The following ZNF684 variants were observed in gnomAD, a reference collection of about 807,000 sequenced individuals.
The protein encoded by ZNF684 is hypothetical protein MGC27466.
Under a neutral mutation model 12.8 loss-of-function variants are expected in ZNF684, and 13 were observed. The ratio of observed to expected loss-of-function variants is 1.02; its 90% CI spans 0.66 to 1.62. The LOEUF is 1.62. Among genes scored for constraint, ZNF684 ranks in the 40% most tolerant of loss-of-function variants. The pLI, the probability that ZNF684 is intolerant of heterozygous loss-of-function variation, is 0.00. For synonymous variants in ZNF684, 118 were observed against 151.8 expected (o/e 0.78, Z 1.64); for missense variants, 384 against 446.9 (o/e 0.86, Z 1.27).
intron 2 of ZNF684, among the ~76,000 whole-genome samples, chr1:40,535,178 G>A (rs1398998686): frequency 6.6e-6 from 1 of 151,916 alleles, no homozygotes; most frequent in Non-Finnish European, 1.5e-5. Flanking sequence ...CATTGCAATG[G>A]CCAGGACTTC....
intron 2 of ZNF684, 28 bp from the exon 3 acceptor site, chr1:40,540,558 T>C (rs760104492): frequency 1.2e-5 from 19 of 1,565,164 alleles, no homozygotes; most frequent in Admixed American, 1.9e-5. Context: ...ATACACACTT[T>C]AGTTTGAAGA....
At chr1:40,545,494 T>G (rs1646041538) in intron 4 of ZNF684, among the ~76,000 whole-genome samples, 1 of 152,176 alleles carries the variant, frequency 6.6e-6, no homozygotes, top group Non-Finnish European at 1.5e-5. Context: ...ATATAGAAAC[T>G]CAGCCAGAAT....
chr1:40,536,993 T>C lies in ZNF684; in HGVS notation c.16-3593T>C, dbSNP rs546136313. Among the ~76,000 whole-genome samples the C allele has an allele frequency of 6.1e-3, 924 of 152,270 alleles. 3 individuals are homozygous for C. The highest frequency in any genetic ancestry group is 0.011 in the Non-Finnish European group (759 of 68,028). The stretch of plus-strand genomic sequence containing the variant: ...AAACATACGTGTGCATGTGTCTTTA[T>C]AGCAGCATGATTTTTATTCCTTTGG... On this transcript the variant is annotated intron_variant, in intron 2 of 4. Transcript: ENST00000372699.
At position 40,541,687 on chromosome 1, in the gene ZNF684, C is replaced by T. The variant is rs2124510507; in HGVS notation, c.215C>T (p.Ala72Val). 7 of 1,612,700 alleles carry T rather than the reference C, an allele frequency of 4.3e-6. No homozygotes were observed. Among genetic ancestry groups the T allele is most frequent in the Non-Finnish European group, 4.2e-6 (5 of 1,179,180 alleles). ...CAAGAGCCATGGATGGTGGAGGGAGCGAATCCACACGAGAGCTCTCCAGGT... is the reference window on the plus strand; with the variant it reads ...CAAGAGCCATGGATGGTGGAGGGAGTGAATCCACACGAGAGCTCTCCAGGT... Reference protein sequence around the residue: ...QGQEPWMVEGANPHESSPESD... With the variant: ...QGQEPWMVEGVNPHESSPESD... The change falls in exon 4 of 5, where the codon GCG (alanine) becomes GTG (valine). Residue 72 changes from alanine (A) to valine (V), a missense_variant. Coordinates refer to ENST00000372699, the MANE Select transcript of ZNF684 (RefSeq NM_152373.4).
intron 2 of ZNF684, among the ~76,000 whole-genome samples, chr1:40,538,650 G>A (rs1645998167): frequency 6.6e-6 from 1 of 151,930 alleles, no homozygotes; most frequent in African/African-American, 2.4e-5. Flanking sequence ...TTGAGGTCAG[G>A]AGTTTGAGAG....
chr1:40,541,842 C>A, intron 4 of ZNF684, 132 bp downstream of exon 4: 1 of 671,574 alleles, frequency 1.5e-6, no homozygotes, highest in Non-Finnish European at 2.5e-6. Flanking sequence ...CATCATCAGC[C>A]AGCTCCCCAA....
rs145698095 is a variant in ZNF684, at chr1:40,541,343, C to T, written c.143-272C>T. The T allele has an allele frequency of 8.6e-3, 2,061 of 239,922 alleles. 50 individuals carry two copies. The highest frequency in any genetic ancestry group is 0.044 in the African/African-American group (1,983 of 44,994). 14.9% of individuals were successfully genotyped at this position (239,922 alleles called of 1,614,324 possible). On this transcript the variant is annotated intron_variant, in intron 3 of 4. Transcript: ENST00000372699. ...AGACTACAGGTGCCTGCTACCACGCCCGGCTAATTTTTTGTATTTTTAGCA... is the reference window on the plus strand; with the variant it reads ...AGACTACAGGTGCCTGCTACCACGCTCGGCTAATTTTTTGTATTTTTAGCA...
intron 2 of ZNF684, among the ~76,000 whole-genome samples, chr1:40,535,115 G>A (rs1422455725): frequency 6.6e-6 from 1 of 152,190 alleles, no homozygotes. Context: ...TCCAAATGGA[G>A]TTTTATCTCT....
In ZNF684 at chr1:40,546,729, T is replaced by C. The variant is rs1298237865; in HGVS notation, c.406T>C (p.Phe136Leu). Reference sequence around the variant, plus strand: ...AATGAGAAAAAAATCATATAAATCGTTTGAGAAGTGTTTGCCACCTAATTT... The same window carrying C: ...AATGAGAAAAAAATCATATAAATCGCTTGAGAAGTGTTTGCCACCTAATTT... ...NPMRKKSYKS[F>L]EKCLPPNLDL... The change falls in exon 5 of 5, where the codon TTT becomes CTT. Residue 136 changes from phenylalanine (F) to leucine (L), a missense_variant. Coordinates refer to ENST00000372699, the MANE Select transcript of ZNF684 (RefSeq NM_152373.4). The C allele has an allele frequency of 1.2e-6, 2 of 1,613,918 alleles. No homozygotes were observed. Among genetic ancestry groups the C allele is most frequent in the East Asian group, 4.5e-5 (2 of 44,868 alleles).
At chr1:40,539,395 G>A (rs1242824266) in intron 2 of ZNF684, among the ~76,000 whole-genome samples, 2 of 152,146 alleles carry the variant, frequency 1.3e-5, no homozygotes, top group Non-Finnish European at 2.9e-5. Flanking sequence ...CTACTTGAGA[G>A]GCTGAGGTAG....
Position 40,547,080 on chromosome 1 carries a change from A to C in ZNF684, c.757A>C (p.Thr253Pro), listed in dbSNP as rs780198218. ...GTGCAGTCAATGTGGGAAAACATTC[A>C]CTTGGAACTCCTCATTTAATCAACA... The part of the protein sequence containing the change: ...YECSQCGKTF[T>P]WNSSFNQHVK... Residue 253 changes from threonine (T) to proline (P), a missense_variant, in exon 5 of 5, where the codon ACT becomes CCT. By Grantham distance (38) the Thr-to-Pro change is conservative. Coordinates refer to ENST00000372699, the MANE Select transcript of ZNF684 (RefSeq NM_152373.4). 10 of 1,614,058 alleles carry C rather than the reference A, an allele frequency of 6.2e-6. No homozygotes were observed. In the East Asian group the frequency reaches 2.0e-4, roughly 32 times the overall value.
chr1:40,544,848 G>C (rs1646035233), intron 4 of ZNF684: 1 of 152,548 alleles, frequency 6.6e-6, no homozygotes, highest in African/African-American at 2.4e-5. Flanking sequence ...TCATGGAACA[G>C]TGGTTCCTCC....
intron 2 of ZNF684, among the ~76,000 whole-genome samples, chr1:40,536,620 G>A (rs1430280622): frequency 4.9e-5 from 7 of 141,642 alleles, no homozygotes; most frequent in African/African-American, 7.9e-5. Flanking sequence ...CCACTAACTC[G>A]TCATCTAGCA....
At chr1:40,539,591 C>T (rs1401248422) in intron 2 of ZNF684, among the ~76,000 whole-genome samples, 1 of 152,148 alleles carries the variant, frequency 6.6e-6, no homozygotes, top group Non-Finnish European at 1.5e-5. Flanking sequence ...ACAAGAGTTT[C>T]GGTTTCTCCA....
Position 40,547,286 on chromosome 1 carries a change from T to C in ZNF684, c.963T>C (p.His321=), listed in dbSNP as rs1646054487. The change falls in exon 5 of 5, where the codon CAT becomes CAC. Residue 321 remains histidine, a synonymous_variant. Coordinates refer to ENST00000372699, the MANE Select transcript of ZNF684 (RefSeq NM_152373.4). The part of the protein sequence containing the change: ...TSVLVTHQRI[H]TGEKPYSCIE... ...TGCTTGTTACACACCAAAGAATTCA[T>C]ACAGGAGAGAAACCTTACAGTTGTA... 1.9e-6 allele frequency: 3 copies of C among 1,614,184 alleles called. No individual in the cohort carries two copies. The highest frequency in any genetic ancestry group is 1.3e-5 in the African/African-American group (1 of 75,062).
chr1:40,542,755 C>T (rs1646023351), intron 4 of ZNF684, among the ~76,000 whole-genome samples: 1 of 152,180 alleles, frequency 6.6e-6, no homozygotes, highest in Admixed American at 6.5e-5. Flanking sequence ...CCCTGCTTTG[C>T]AGTCTCAAAA....
In ZNF684 at chr1:40,541,834, T is replaced by C. The variant is rs577424327; in HGVS notation, c.238+124T>C. On this transcript the variant is annotated intron_variant, in intron 4 of 4. Transcript: ENST00000372699. ...AAAGCCACACACCTTTAACATAACA[T>C]CATCAGCCAGCTCCCCAAAAGCTGC... 136 of 706,202 alleles carry C rather than the reference T, an allele frequency of 1.9e-4. 2 individuals carry two copies. The highest frequency in any genetic ancestry group is 1.8e-3 in the Middle Eastern group (4 of 2,284). 43.7% of individuals were successfully genotyped at this position (706,202 alleles called of 1,614,324 possible).
chr1:40,544,558 G>C (rs41268077), intron 4 of ZNF684: 13,430 of 262,348 alleles, frequency 0.051, 574 homozygotes, highest in African/African-American at 0.12. Flanking sequence ...CACCATGTTG[G>C]CCAGGATGGT....
At chr1:40,538,631 G>A (rs1645998022) in intron 2 of ZNF684, among the ~76,000 whole-genome samples, 2 of 152,076 alleles carry the variant, frequency 1.3e-5, no homozygotes, top group African/African-American at 2.4e-5. Context: ...GCTGAGGCGG[G>A]TGGATCACTT....
Sources: gnomAD v4.1 joint callset for allele counts (sites outside exome capture counted in the v4.1 genomes callset) on GRCh38, gnomAD v4.1.1 for gene constraint, MANE v1.5 for transcripts, NCBI Gene and HGNC (gene_info 2026-07-23, HGNC 2026-07-21) for gene names.